RPA3: variants seen among roughly 807,000 people sequenced by gnomAD.
The protein encoded by RPA3 is replication protein A 14 kDa subunit.
In RPA3, 24 loss-of-function variants were observed where a neutral mutation model predicts 13.7. That is an observed-to-expected ratio of 1.75 (90% CI 1.27 to 2.46). The LOEUF is 2.46. RPA3 is among the 30% of genes most tolerant of loss of function. The pLI is 0.00. For synonymous variants in RPA3, 59 were observed against 51.2 expected, an observed-to-expected ratio of 1.15 and a Z score of -0.65; for missense variants, 183 against 151.0, an observed-to-expected ratio of 1.21 and a Z score of -1.11.
chr7:7,692,733 C>T (rs1016770472), intron 2 of RPA3, among the ~76,000 whole-genome samples: 5 of 152,138 alleles, frequency 3.3e-5, no homozygotes, highest in Non-Finnish European at 5.9e-5. Context: ...CCTCAGCCTC[C>T]CGAGTAGTTG....
chr7:7,698,820 C>A (rs981139658), intron 2 of RPA3, among the ~76,000 whole-genome samples: 1 of 151,852 alleles, frequency 6.6e-6, no homozygotes, highest in African/African-American at 2.4e-5. Context: ...AAAAACCAGA[C>A]CATGACATTT....
intron 4 of RPA3, among the ~76,000 whole-genome samples, chr7:7,666,378 A>AT (rs1459059981): frequency 6.6e-6 from 1 of 151,642 alleles, no homozygotes; most frequent in Non-Finnish European, 1.5e-5. Context: ...TGATTTTTGT[A>AT]TTTTTTTGTA....
At position 7,641,159 on chromosome 7, in the gene RPA3, T is replaced by G. The variant is rs956642492; in HGVS notation, c.-741A>C. 2 of 152,296 alleles carry G rather than the reference T, an allele frequency of 1.3e-5. No homozygotes were observed. Among genetic ancestry groups the G allele is most frequent in the Non-Finnish European group, 2.9e-5 (2 of 68,060 alleles). The allele number at this position is 152,296 out of a possible 1,614,324, so 9.4% of individuals were successfully genotyped here. A position where few individuals can be genotyped will look rare whatever the true frequency, so the allele number is the denominator to read the frequency against. ...ACTCCCTTAGCTGCGTCACTCTACTTTCTCCACTTTCTCCACCTGTAAGAA... is the reference window on the plus strand; with the variant it reads ...ACTCCCTTAGCTGCGTCACTCTACTGTCTCCACTTTCTCCACCTGTAAGAA... On this transcript the variant is annotated 5_prime_UTR_variant, in exon 5 of 8. Coordinates refer to ENST00000223129, the MANE Select transcript of RPA3 (RefSeq NM_002947.5).
At chr7:7,716,672 G>A (rs1442496104) in intron 1 of RPA3, among the ~76,000 whole-genome samples, 1 of 152,244 alleles carries the variant, frequency 6.6e-6, no homozygotes, top group African/African-American at 2.4e-5. Context: ...CGCGGCCGGC[G>A]CGGTGGCTCA....
At chr7:7,674,552 C>G (rs1198057307) in intron 4 of RPA3, among the ~76,000 whole-genome samples, 1 of 152,178 alleles carries the variant, frequency 6.6e-6, no homozygotes, top group Non-Finnish European at 1.5e-5. Flanking sequence ...TTGTTTTCTT[C>G]AGACCAGATC....
chr7:7,709,609 G>T (rs1357307523), intron 2 of RPA3, among the ~76,000 whole-genome samples: 1 of 152,198 alleles, frequency 6.6e-6, no homozygotes, highest in Admixed American at 6.5e-5. Flanking sequence ...TCACCTGTTT[G>T]CTCAGAAGTC....
intron 2 of RPA3, among the ~76,000 whole-genome samples, chr7:7,710,780 A>G (rs1267847647): frequency 6.6e-6 from 1 of 152,226 alleles, no homozygotes; most frequent in Non-Finnish European, 1.5e-5. Context: ...CCCAAACTGG[A>G]TACACACCAA....
At chr7:7,642,190 A>G (rs1420076994) in intron 4 of RPA3, among the ~76,000 whole-genome samples, 2 of 152,186 alleles carry the variant, frequency 1.3e-5, no homozygotes, top group Non-Finnish European at 2.9e-5. Context: ...ACTGGAGTGC[A>G]GTAGCATGCA....
chr7:7,644,652 G>T (rs1785055892), intron 4 of RPA3, among the ~76,000 whole-genome samples: 2 of 152,148 alleles, frequency 1.3e-5, no homozygotes, highest in Admixed American at 6.5e-5. Context: ...ACCTTCACTT[G>T]TCACCTTAAG....
At chr7:7,684,865 C>T (rs1780004761) in intron 4 of RPA3, among the ~76,000 whole-genome samples, 1 of 152,206 alleles carries the variant, frequency 6.6e-6, no homozygotes, top group Non-Finnish European at 1.5e-5. Context: ...GACTGTTTCA[C>T]TATGGTACTA....
chr7:7,663,546 G>A (rs887472528), intron 4 of RPA3, among the ~76,000 whole-genome samples: 5 of 152,094 alleles, frequency 3.3e-5, no homozygotes, highest in South Asian at 2.1e-4. Context: ...ATACTAATTA[G>A]TAGTCTAACT....
At chr7:7,712,084 A>G (rs541407545) in intron 2 of RPA3, among the ~76,000 whole-genome samples, 5 of 152,054 alleles carry the variant, frequency 3.3e-5, no homozygotes, top group Non-Finnish European at 2.9e-5. Flanking sequence ...TTATGAGGCT[A>G]TTTTTCTCTC....
At chr7:7,658,192 A>G (rs1583701536) in intron 4 of RPA3, among the ~76,000 whole-genome samples, 1 of 152,228 alleles carries the variant, frequency 6.6e-6, no homozygotes, top group East Asian at 1.9e-4. Context: ...GTTGCTTATC[A>G]GCTTAAGGAG....
intron 4 of RPA3, among the ~76,000 whole-genome samples, chr7:7,681,457 A>G (rs1264214777): frequency 6.6e-6 from 1 of 152,144 alleles, no homozygotes; most frequent in East Asian, 1.9e-4. Context: ...CTTTCTCCGC[A>G]TTAAGATTTC....
chr7:7,638,010 C>T lies in RPA3; in HGVS notation c.175-38G>A, dbSNP rs377117558. On this transcript the variant is annotated intron_variant, in intron 6 of 7. Transcript: ENST00000223129. ...ACAAGACATCGATTTGGTGATATCA[C>T]ATTTTCAGTTGACAATTATTTTGGA... The T allele has an allele frequency of 2.7e-5, 41 of 1,501,570 alleles. No individual in the cohort carries two copies. In the African/African-American group the frequency reaches 4.1e-4, roughly 15 times the overall value. The allele number at this position is 1,501,570 out of a possible 1,614,324, so 93.0% of individuals were successfully genotyped here. A position where few individuals can be genotyped will look rare whatever the true frequency, so the allele number is the denominator to read the frequency against.
rs773400658 is a variant in RPA3, at chr7:7,637,020, C to G, written c.346G>C (p.Gly116Arg). ...CAAGATCAATCATGTTGCACAATCC[C>G]TAAAGGATAAAACTGAGGGAAGTCA... is the stretch of plus-strand genomic sequence containing the variant. The part of the protein sequence containing the change: ...IHDFPQFYPL[G>R]IVQHD Residue 116 changes from glycine (G) to arginine (R), a missense_variant, in exon 8 of 8, where the codon GGG (glycine) becomes CGG (arginine). Physicochemically the swap from Gly to Arg is moderately radical, Grantham distance 125 (BLOSUM62 -2). Transcript: ENST00000223129. 9 of 1,611,640 alleles carry G rather than the reference C, an allele frequency of 5.6e-6. No homozygotes were observed. Among genetic ancestry groups the G allele is most frequent in the Non-Finnish European group, 6.8e-6 (8 of 1,178,376 alleles).
chr7:7,670,346 G>A (rs575929170), intron 4 of RPA3, among the ~76,000 whole-genome samples: 1 of 152,034 alleles, frequency 6.6e-6, no homozygotes, highest in Admixed American at 6.5e-5. Flanking sequence ...CTTCGTAAAG[G>A]GTCTCTCTAT....
chr7:7,645,038 T>C lies in RPA3; in HGVS notation c.-757-3863A>G, dbSNP rs1462176071. 3.3e-5 allele frequency among the ~76,000 whole-genome samples: 5 copies of C among 152,344 alleles called. No individual in the cohort carries two copies. The East Asian group carries it at 5.8e-4, about 18-fold the overall frequency. ...AGCTTAGATTTATTCCTAGATACCT[T>C]GTTTTTGTTGCTATTATGAATGGTA... On this transcript the variant is annotated intron_variant, in intron 4 of 7. Coordinates refer to ENST00000223129, the MANE Select transcript of RPA3 (RefSeq NM_002947.5).
rs1236023905 is a variant in RPA3, at chr7:7,641,002, A to C, written c.-584T>G. On this transcript the variant is annotated 5_prime_UTR_variant, in exon 5 of 8. Transcript: ENST00000223129. ...GCCAGTTCTGCGTGGGAGGCGCGGG[A>C]GTTTTGCGGAATGATACGTGGTGTG... 6.5e-6 allele frequency: 1 copy of C among 152,946 alleles called. No homozygotes were observed. Among genetic ancestry groups the C allele is most frequent in the Non-Finnish European group, 1.5e-5 (1 of 68,426 alleles). The allele number at this position is 152,946 out of a possible 1,614,324, so 9.5% of individuals were successfully genotyped here.
Sources: allele counts gnomAD v4.1 joint callset (sites outside exome capture counted in the v4.1 genomes callset), GRCh38; gene constraint gnomAD v4.1.1; transcripts MANE v1.5; gene names NCBI Gene and HGNC (gene_info 2026-07-23, HGNC 2026-07-21).